Variants in CENPW observed in about 807,000 individuals in gnomAD.
CENPW encodes cancer-up-regulated gene 2 protein.
CENPW carries 3 observed loss-of-function variants against 11.1 expected under a neutral mutation model. The observed-to-expected ratio is 0.27, with a 90% CI of 0.12 to 0.70. The LOEUF (loss-of-function observed/expected upper bound fraction) is 0.70. Among genes scored for constraint, CENPW ranks in the 30% least tolerant of loss-of-function variants. CENPW has a pLI of 0.77. For missense variants in CENPW, 100 were observed against 105.6 expected (o/e 0.95, Z 0.23); for synonymous variants, 38 against 42.0 (o/e 0.91, Z 0.37).
chr6:126,381,829 C>T, the CENPW span, among the ~76,000 whole-genome samples: 1 of 152,116 alleles, frequency 6.6e-6, no homozygotes, highest in African/African-American at 2.4e-5. Flanking sequence ...AGCACAAAAC[C>T]AGGGCTCAGT....
At chr6:126,423,906 A>T in the CENPW span, among the ~76,000 whole-genome samples, 1 of 151,326 alleles carries the variant, frequency 6.6e-6, no homozygotes, top group African/African-American at 2.4e-5. Context: ...TTAGTTACAT[A>T]TGTATACATG....
chr6:126,436,378 G>C, the CENPW span, among the ~76,000 whole-genome samples: 1 of 151,722 alleles, frequency 6.6e-6, no homozygotes, highest in African/African-American at 2.4e-5. Flanking sequence ...AAAAGAAAAT[G>C]ATCACAAATC....
chr6:126,411,021 G>A, the CENPW span, among the ~76,000 whole-genome samples: 1 of 151,858 alleles, frequency 6.6e-6, no homozygotes, highest in African/African-American at 2.4e-5. Context: ...AGTGAGTTAT[G>A]TTCCTTTAGT....
the CENPW span, among the ~76,000 whole-genome samples, chr6:126,382,578 C>T: frequency 6.6e-6 from 1 of 152,000 alleles, no homozygotes; most frequent in Non-Finnish European, 1.5e-5. Context: ...AAAAAAATAG[C>T]CAGTATGGAA....
At chr6:126,463,048 A>G in the CENPW span, among the ~76,000 whole-genome samples, 1 of 152,098 alleles carries the variant, frequency 6.6e-6, no homozygotes, top group Non-Finnish European at 1.5e-5. Context: ...AGTGAAAAGA[A>G]GATTAGGTAT....
chr6:126,408,086 G>T, the CENPW span, among the ~76,000 whole-genome samples: 3 of 152,096 alleles, frequency 2.0e-5, no homozygotes, highest in East Asian at 5.8e-4. Context: ...AATAGGGAAA[G>T]GATTCCCTAT....
chr6:126,439,080 C>T, the CENPW span, among the ~76,000 whole-genome samples: 3 of 151,346 alleles, frequency 2.0e-5, no homozygotes, highest in Admixed American at 1.3e-4. Flanking sequence ...TTTTTTTCTC[C>T]TATTAAGAAG....
At chr6:126,476,725 T>G in the CENPW span, among the ~76,000 whole-genome samples, 161 of 152,128 alleles carry the variant, frequency 1.1e-3, no homozygotes, top group African/African-American at 3.7e-3. Flanking sequence ...AACCTTTTTT[T>G]AAGGAGATAT....
intron 2 of CENPW, among the ~76,000 whole-genome samples, chr6:126,348,145 AT>A (rs1333334203): frequency 6.6e-6 from 1 of 151,990 alleles, no homozygotes; most frequent in Non-Finnish European, 1.5e-5. Flanking sequence ...TTGTCTAAAA[AT>A]TTCAAATTCG....
chr6:126,442,763 A>G, the CENPW span, among the ~76,000 whole-genome samples: 1 of 151,274 alleles, frequency 6.6e-6, no homozygotes, highest in African/African-American at 2.4e-5. Context: ...GCATAAAAAT[A>G]AGCAGTTTAA....
chr6:126,395,380 A>G, the CENPW span, among the ~76,000 whole-genome samples: 2 of 152,010 alleles, frequency 1.3e-5, no homozygotes, highest in Admixed American at 6.6e-5. Context: ...TTTCTGCTTG[A>G]GTCTTTTTAA....
the CENPW span, among the ~76,000 whole-genome samples, chr6:126,363,676 A>G: frequency 6.6e-6 from 1 of 152,228 alleles, no homozygotes; most frequent in Admixed American, 6.5e-5. Context: ...AGCTTGCTCA[A>G]TTGTAAGTCC....
At chr6:126,354,865 TC>T in the CENPW span, among the ~76,000 whole-genome samples, 1 of 152,132 alleles carries the variant, frequency 6.6e-6, no homozygotes, top group Non-Finnish European at 1.5e-5. Context: ...TAACCAACTG[TC>T]CTGGTTTGCT....
At chr6:126,395,830 T>G in the CENPW span, among the ~76,000 whole-genome samples, 1 of 152,192 alleles carries the variant, frequency 6.6e-6, no homozygotes, top group African/African-American at 2.4e-5. Flanking sequence ...TCTGGAAGAA[T>G]TCTCTGGCTT....
chr6:126,382,222 C>A, the CENPW span, among the ~76,000 whole-genome samples: 1 of 151,028 alleles, frequency 6.6e-6, no homozygotes, highest in Admixed American at 6.6e-5. Flanking sequence ...GGGTGACGAG[C>A]GAAAATCCAT....
chr6:126,429,119 A>C, the CENPW span, among the ~76,000 whole-genome samples: 1 of 152,098 alleles, frequency 6.6e-6, no homozygotes, highest in Non-Finnish European at 1.5e-5. Flanking sequence ...TTTACTAGTA[A>C]ATAATGTCTT....
At chr6:126,440,248 A>T in the CENPW span, among the ~76,000 whole-genome samples, 2 of 151,628 alleles carry the variant, frequency 1.3e-5, no homozygotes, top group Non-Finnish European at 1.5e-5. Flanking sequence ...AAACGTAGCC[A>T]TAAGCAATAT....
the CENPW span, among the ~76,000 whole-genome samples, chr6:126,417,358 G>T: frequency 3.1e-4 from 47 of 152,288 alleles, no homozygotes; most frequent in Admixed American, 5.9e-4. Context: ...TTTGACTGTG[G>T]ACTTTTGAGT....
the CENPW span, among the ~76,000 whole-genome samples, chr6:126,376,179 A>G: frequency 6.6e-6 from 1 of 152,206 alleles, no homozygotes; most frequent in Admixed American, 6.5e-5. Context: ...GAATGAATAA[A>G]TTAGTGAATG....
Sources: allele counts gnomAD v4.1 joint callset (sites outside exome capture counted in the v4.1 genomes callset), GRCh38; gene constraint gnomAD v4.1.1; transcripts MANE v1.5; gene names NCBI Gene and HGNC (gene_info 2026-07-23, HGNC 2026-07-21).